AIDA: variants seen among roughly 807,000 people sequenced by gnomAD.
AIDA encodes the protein axin interactor, dorsalization-associated protein.
Under a neutral mutation model 42.7 loss-of-function variants are expected in AIDA, and 18 were observed. The ratio of observed to expected loss-of-function variants is 0.42; its 90% CI spans 0.29 to 0.63. AIDA has a LOEUF of 0.63. AIDA is among the 20% of genes least tolerant of loss of function. The pLI, the probability that AIDA is intolerant of heterozygous loss-of-function variation, is 0.19. For synonymous variants in AIDA, 104 were observed against 122.9 expected, an observed-to-expected ratio of 0.85 and a Z score of 1.02; for missense variants, 250 against 354.1, an observed-to-expected ratio of 0.71 and a Z score of 2.36.
intron 1 of AIDA, among the ~76,000 whole-genome samples, chr1:222,704,164 G>C (rs1261201091): frequency 6.6e-6 from 1 of 152,156 alleles, no homozygotes; most frequent in African/African-American, 2.4e-5. Context: ...GGGGGAAAGA[G>C]AGAGAAGACA....
chr1:222,687,941 T>A (rs961109099), intron 4 of AIDA, among the ~76,000 whole-genome samples: 28 of 152,096 alleles, frequency 1.8e-4, no homozygotes, highest in African/African-American at 6.3e-4. Flanking sequence ...CTGAGTCCTA[T>A]CTACAAGTTC....
intron 1 of AIDA, among the ~76,000 whole-genome samples, chr1:222,709,203 T>G (rs1655924935): frequency 6.6e-6 from 1 of 151,948 alleles, no homozygotes; most frequent in Admixed American, 6.6e-5. Flanking sequence ...GAGGCTGAGG[T>G]GGGTGGATCA....
intron 4 of AIDA, among the ~76,000 whole-genome samples, chr1:222,688,603 A>ATTT (rs137904990): frequency 6.9e-6 from 1 of 145,214 alleles, no homozygotes; most frequent in Non-Finnish European, 1.5e-5. Context: ...AAAAAAGTTA[A>ATTT]TTTTTTTTTT....
rs1273688100 is a variant in AIDA at position 222,679,499 on chromosome 1, T to C, written c.461-3281A>G. Among the ~76,000 whole-genome samples, 4 of 152,318 alleles carry C rather than the reference T, an allele frequency of 2.6e-5. No individual in the cohort carries two copies. The East Asian group carries it at 7.7e-4, about 29-fold the overall frequency. On this transcript the variant is annotated intron_variant, in intron 6 of 9. Coordinates refer to ENST00000340020, the MANE Select transcript of AIDA (RefSeq NM_022831.4). ...TGCATAAATAATAAACAGCCAACTT[T>C]TACAGAACATGTCAGGGTGTGCCAG...
intron 1 of AIDA, among the ~76,000 whole-genome samples, chr1:222,710,649 T>C (rs1300889836): frequency 6.6e-6 from 1 of 152,200 alleles, no homozygotes; most frequent in Non-Finnish European, 1.5e-5. Flanking sequence ...ATCTTATCAT[T>C]TGTCTAATTC....
chr1:222,689,045 ATGTG>A (rs537611818), intron 4 of AIDA, among the ~76,000 whole-genome samples: 2 of 151,166 alleles, frequency 1.3e-5, no homozygotes, highest in Non-Finnish European at 3.0e-5. Context: ...GCCTAAGCTA[ATGTG>A]TGTGTGTGTG....
chr1:222,699,541 G>T (rs565144753), intron 2 of AIDA, among the ~76,000 whole-genome samples: 2 of 152,036 alleles, frequency 1.3e-5, no homozygotes, highest in Non-Finnish European at 2.9e-5. Context: ...GTACACATGT[G>T]CATACTAAAG....
chr1:222,683,909 GCTTGACTAC>G (rs888655294), intron 6 of AIDA, among the ~76,000 whole-genome samples: 88 of 152,156 alleles, frequency 5.8e-4, no homozygotes, highest in African/African-American at 2.0e-3. Context: ...AGGTAAGTAA[GCTTGACTAC>G]CTTTTTTTTA....
In AIDA at chr1:222,676,194, G is replaced by A. The variant is rs111707998; in HGVS notation, c.485C>T (p.Ser162Leu). 39 of 1,610,620 alleles carry A rather than the reference G, an allele frequency of 2.4e-5. No homozygotes were observed. The highest frequency in any genetic ancestry group is 3.3e-5 in the Non-Finnish European group (39 of 1,178,794). Residue 162 changes from serine to leucine, a missense_variant, in exon 7 of 10, where the codon TCG becomes TTG. Physicochemically the swap from Ser to Leu is moderately radical, Grantham distance 145. This residue lies in a region of AIDA where 199 missense variants were observed against 232.6 expected (regional missense o/e 0.86). Transcript: ENST00000340020. ...VPGTLLPRLP[S>L]EPGMTLLTIR... is the part of the protein sequence containing the mutation. Reference sequence around the variant, plus strand: ...AGTGAGTAATGTCATTCCTGGTTCCGATGGCAACCTTGGTAATAAAGTACC... The same window carrying A: ...AGTGAGTAATGTCATTCCTGGTTCCAATGGCAACCTTGGTAATAAAGTACC...
chr1:222,671,493 G>A (rs968920013), intron 8 of AIDA, among the ~76,000 whole-genome samples: 9 of 152,124 alleles, frequency 5.9e-5, no homozygotes, highest in Non-Finnish European at 1.0e-4. Context: ...TAATACTGCC[G>A]CTGATGACAA....
chr1:222,701,838 C>T (rs1655716223), intron 2 of AIDA, among the ~76,000 whole-genome samples: 1 of 152,150 alleles, frequency 6.6e-6, no homozygotes, highest in South Asian at 2.1e-4. Context: ...ATTCTCTTGC[C>T]TCAGCCTCCC....
At chr1:222,711,163 A>T (rs1656015631) in intron 1 of AIDA, among the ~76,000 whole-genome samples, 1 of 152,130 alleles carries the variant, frequency 6.6e-6, no homozygotes, top group Non-Finnish European at 1.5e-5. Context: ...TCAAACAATA[A>T]CTTGCTTTAA....
chr1:222,672,347 T>C (rs1221738883), intron 8 of AIDA, among the ~76,000 whole-genome samples: 1 of 152,208 alleles, frequency 6.6e-6, no homozygotes, highest in Non-Finnish European at 1.5e-5. Flanking sequence ...AATCAATAGT[T>C]TTGTTCAGAA....
chr1:222,685,048 T>G (rs750840665), intron 6 of AIDA, among the ~76,000 whole-genome samples: 5 of 152,172 alleles, frequency 3.3e-5, no homozygotes, highest in Non-Finnish European at 5.9e-5. Context: ...AAGAAAAATA[T>G]AGCTCTATCT....
chr1:222,698,834 T>C (rs1254439101), intron 2 of AIDA, among the ~76,000 whole-genome samples: 1 of 151,970 alleles, frequency 6.6e-6, no homozygotes, highest in Non-Finnish European at 1.5e-5. Context: ...GTTTTGTGTT[T>C]GTTTGTTTTG....
At chr1:222,689,481 G>GTGTATATATA (rs1253190601) in intron 4 of AIDA, among the ~76,000 whole-genome samples, 12 of 35,334 alleles carry the variant, frequency 3.4e-4, no homozygotes, top group East Asian at 1.8e-3. Flanking sequence ...GTGTGTGTGT[G>GTGTATATATA]TATATATATA....
chr1:222,693,959 G>T, intron 3 of AIDA, 116 bp from the exon 4 acceptor site: 1 of 1,005,404 alleles, frequency 9.9e-7, no homozygotes, highest in Non-Finnish European at 1.4e-6. Context: ...TTTCAAGGTA[G>T]AAAATGAAAA....
intron 6 of AIDA, among the ~76,000 whole-genome samples, chr1:222,686,715 C>G (rs963321903): frequency 6.6e-6 from 1 of 152,116 alleles, no homozygotes; most frequent in Non-Finnish European, 1.5e-5. Context: ...TAGTGAATCA[C>G]TGAACATGGG....
intron 1 of AIDA, chr1:222,711,310 G>T (rs1653670641): frequency 6.6e-6 from 1 of 152,100 alleles, no homozygotes; most frequent in Non-Finnish European, 1.5e-5. Context: ...AGACAACCCT[G>T]AAGTTTTCTG....
Sources: allele counts gnomAD v4.1 joint callset (sites outside exome capture counted in the v4.1 genomes callset), GRCh38; gene constraint gnomAD v4.1.1; regional missense constraint gnomAD v4.1.1; transcripts MANE v1.5; gene names NCBI Gene and HGNC (gene_info 2026-07-23, HGNC 2026-07-21).